BAHCC1: variants seen among roughly 807,000 people sequenced by gnomAD.
The protein encoded by BAHCC1 is BAH and coiled-coil domain-containing protein 1.
BAHCC1 carries 43 observed loss-of-function variants against 88.2 expected under a neutral mutation model. The observed-to-expected ratio is 0.49, with a 90% CI of 0.38 to 0.63. BAHCC1 has a LOEUF of 0.63. BAHCC1 is among the 20% of genes least tolerant of loss of function. The probability of loss-of-function intolerance (pLI) is 0.00; values close to 1 mark genes in which losing one functional copy is unlikely to be tolerated. For synonymous variants in BAHCC1, 1,510 were observed against 745.5 expected (o/e 2.03, Z -16.71); for missense variants, 3,023 against 1,654.8 (o/e 1.83, Z -14.34).
chr17:81,459,347 C>T lies in BAHCC1; in HGVS notation c.5796+19C>T, dbSNP rs369467787. 1.2e-4 allele frequency: 92 copies of T among 774,784 alleles called. No individual in the cohort carries two copies. The highest frequency in any genetic ancestry group is 5.4e-4 in the African/African-American group (32 of 59,190). The allele number at this position is 774,784 out of a possible 1,614,324, so 48.0% of individuals were successfully genotyped here. A position where few individuals can be genotyped will look rare whatever the true frequency, so the allele number is the denominator to read the frequency against. ...GGAAGCGGTGAGGACCGGGCCGGCC[C>T]GCCCCGGGGAGGGGCCTGGCTGGCT... On this transcript the variant is annotated intron_variant, in intron 22 of 27. Coordinates refer to ENST00000675386, the MANE Select transcript of BAHCC1 (RefSeq NM_001377448.1).
At chr17:81,416,006 GCGTGTGTGTGTGTC>G (rs2064016354) in intron 2 of BAHCC1, among the ~76,000 whole-genome samples, 1 of 151,726 alleles carries the variant, frequency 6.6e-6, no homozygotes, top group African/African-American at 2.4e-5. Flanking sequence ...GGGTGTATGC[GCGTGTGTGTGTGTC>G]CATGAGGATG....
rs2064321314 is a variant in BAHCC1, at chr17:81,435,379, G to A, written c.359-2991G>A. ...CCTGCCCACCGCAGTAGCAGGGGCA[G>A]GATGTGGGGACCTCGGTGCGACCCC... On this transcript the variant is annotated intron_variant, in intron 3 of 27. Coordinates refer to ENST00000675386, the MANE Select transcript of BAHCC1 (RefSeq NM_001377448.1). The surrounding 1 kb of genome is among the most constrained non-coding windows in gnomAD (Gnocchi z 4.4). 2.2e-6 allele frequency: 1 copy of A among 463,284 alleles called. No homozygotes were observed. Among genetic ancestry groups the A allele is most frequent in the Non-Finnish European group, 4.4e-6 (1 of 226,188 alleles). 28.7% of individuals were successfully genotyped at this position (463,284 alleles called of 1,614,324 possible).
intron 2 of BAHCC1, among the ~76,000 whole-genome samples, chr17:81,419,659 C>T (rs1438262942): frequency 6.6e-6 from 1 of 152,074 alleles, no homozygotes; most frequent in Non-Finnish European, 1.5e-5. Flanking sequence ...GCGGCGGGTG[C>T]AGCCGCCAGA....
chr17:81,422,283 T>A (rs2064125167), intron 2 of BAHCC1, among the ~76,000 whole-genome samples: 1 of 152,234 alleles, frequency 6.6e-6, no homozygotes, highest in South Asian at 2.1e-4. Flanking sequence ...AGTGCTGGGA[T>A]TACAGGCGTG....
intron 1 of BAHCC1, among the ~76,000 whole-genome samples, chr17:81,398,769 T>C (rs1347794360): frequency 7.6e-6 from 1 of 132,078 alleles, no homozygotes; most frequent in Non-Finnish European, 1.6e-5. Context: ...CCGGTGGCGG[T>C]TGCGGGCCTC....
intron 2 of BAHCC1, among the ~76,000 whole-genome samples, chr17:81,410,921 A>T (rs2063941887): frequency 6.6e-6 from 1 of 152,086 alleles, no homozygotes; most frequent in Non-Finnish European, 1.5e-5. Context: ...ATGGCCGCTC[A>T]TCAAACACTC....
intron 1 of BAHCC1, among the ~76,000 whole-genome samples, chr17:81,398,806 T>G (rs1598443358): frequency 1.3e-5 from 2 of 149,944 alleles, no homozygotes; most frequent in South Asian, 2.1e-4. Flanking sequence ...CGGCCTGGGG[T>G]CCTAGCGCGA....
At chr17:81,412,913 G>A (rs1014191118) in intron 2 of BAHCC1, among the ~76,000 whole-genome samples, 2 of 152,236 alleles carry the variant, frequency 1.3e-5, no homozygotes, top group African/African-American at 4.8e-5. Context: ...CGTGGGTGTG[G>A]GAGTGTTGCC....
chr17:81,427,384 G>A (rs1287352512), intron 3 of BAHCC1, among the ~76,000 whole-genome samples: 4 of 152,156 alleles, frequency 2.6e-5, no homozygotes, highest in Non-Finnish European at 5.9e-5. Context: ...GGAGGGGGCC[G>A]GGGCGGGGAG....
rs781869680 is a variant in BAHCC1, at chr17:81,451,737, T to C, written c.4046T>C (p.Val1349Ala). The stretch of plus-strand genomic sequence containing the variant: ...ACGCTGGCCACAGCCTGGTCCCTGG[T>C]GGAGGCCGCTGGCCTGGACAGCTCC... The part of the protein sequence containing the change: ...LATLATAWSL[V>A]EAAGLDSSTA... The change falls in exon 12 of 28, where the codon GTG (valine) becomes GCG (alanine). Residue 1349 changes from valine (V) to alanine (A), a missense_variant. Coordinates refer to ENST00000675386, the MANE Select transcript of BAHCC1 (RefSeq NM_001377448.1). The C allele has an allele frequency of 6.4e-6, 5 of 775,352 alleles. No homozygotes were observed. Among genetic ancestry groups the C allele is most frequent in the Non-Finnish European group, 1.2e-5 (5 of 417,520 alleles). 48.0% of individuals were successfully genotyped at this position (775,352 alleles called of 1,614,324 possible).
intron 2 of BAHCC1, among the ~76,000 whole-genome samples, chr17:81,423,005 C>T (rs2064133058): frequency 6.6e-6 from 1 of 152,208 alleles, no homozygotes; most frequent in African/African-American, 2.4e-5. Context: ...GGCTGCCGGG[C>T]CTGTGGTCTG....
rs34999192 is a variant in BAHCC1, at chr17:81,438,486, CA to C, written c.480del (p.Asp161IlefsTer139). The C allele has an allele frequency of 2.6e-6, 2 of 769,850 alleles. No homozygotes were observed. The highest frequency in any genetic ancestry group is 1.7e-5 in the Admixed American group (1 of 57,270). The allele number at this position is 769,850 out of a possible 1,614,324, so 47.7% of individuals were successfully genotyped here. On this transcript the variant is annotated frameshift_variant, in exon 4 of 28. Coordinates refer to ENST00000675386, the MANE Select transcript of BAHCC1 (RefSeq NM_001377448.1). LOFTEE classifies it high-confidence loss of function. Reference protein sequence around the residue: ...LYGQHRFYGTQKDNFYLRNLP... With the variant: ...LYGQHRFYGTXKDNFYLRNLP... ...TGGGCAGCACCGTTTCTATGGAACC[CA>C]AAAAGGCAAGTGCAGCATGGGACCG...
intron 11 of BAHCC1, among the ~76,000 whole-genome samples, chr17:81,450,258 G>A (rs1235023430): frequency 6.6e-6 from 1 of 152,016 alleles, no homozygotes; most frequent in Admixed American, 6.5e-5. Context: ...TCTGGCTCCT[G>A]TCTCCTGCTG....
chr17:81,421,214 A>G (rs1555649546), intron 2 of BAHCC1, among the ~76,000 whole-genome samples: 1 of 152,230 alleles, frequency 6.6e-6, no homozygotes, highest in South Asian at 2.1e-4. Context: ...CCAAGAGGAA[A>G]GAGCCCTCAG....
In BAHCC1 at chr17:81,444,526, C is replaced by A; in HGVS notation, c.2470C>A (p.Arg824Ser). Residue 824 changes from arginine to serine, a missense_variant, in exon 7 of 28, where the codon CGC becomes AGC. Coordinates refer to ENST00000675386, the MANE Select transcript of BAHCC1 (RefSeq NM_001377448.1). Reference protein sequence around the residue: ...HTHPHPPWLPRTRSPSLWMGG... With the variant: ...HTHPHPPWLPSTRSPSLWMGG... ...CCACCCCCATCCCCCCTGGCTGCCC[C>A]GCACCCGCAGCCCCTCCCTGTGGAT... 1.4e-6 allele frequency: 1 copy of A among 697,426 alleles called. No individual in the cohort carries two copies. Among genetic ancestry groups the A allele is most frequent in the East Asian group, 2.6e-5 (1 of 38,128 alleles). 43.2% of individuals were successfully genotyped at this position (697,426 alleles called of 1,614,324 possible).
Position 81,399,222 on chromosome 17 carries a change from C to A in BAHCC1, c.-206-312C>A. 2.4e-6 allele frequency: 1 copy of A among 423,812 alleles called. No individual in the cohort carries two copies. Among genetic ancestry groups the A allele is most frequent in the Non-Finnish European group, 4.7e-6 (1 of 211,514 alleles). The allele number at this position is 423,812 out of a possible 1,614,324, so 26.3% of individuals were successfully genotyped here. A position where few individuals can be genotyped will look rare whatever the true frequency, so the allele number is the denominator to read the frequency against. On this transcript the variant is annotated intron_variant, in intron 1 of 27. Transcript: ENST00000675386. This position sits in a 1 kb window ranked among gnomAD's most constrained non-coding sequence, Gnocchi z 4.5. ...AGCAGAGCCAGCAGCCTCTTCGCCG[C>A]GGCGCCCTAGCTGCAGGGACCCGCG... is the stretch of plus-strand genomic sequence containing the variant.
At position 81,462,797 on chromosome 17, in the gene BAHCC1, G is replaced by A. The variant is rs782458721; in HGVS notation, c.7441G>A (p.Glu2481Lys). The change falls in exon 27 of 28, where the codon GAG (glutamate) becomes AAG (lysine). Residue 2481 changes from glutamate (E) to lysine (K), a missense_variant. Glu to Lys is a moderately conservative substitution (Grantham distance 56, BLOSUM62 1). Transcript: ENST00000675386. Reference sequence around the variant, plus strand: ...GTTCTACAAGGCCATCGTGCGGGGCGAGGAGACCCTGCGTGTCGGGGACTG... The same window carrying A: ...GTTCTACAAGGCCATCGTGCGGGGCAAGGAGACCCTGCGTGTCGGGGACTG... ...KLFYKAIVRGEETLRVGDCAV... is the reference protein window; with the variant it reads ...KLFYKAIVRGKETLRVGDCAV... 2 of 780,076 alleles carry A rather than the reference G, an allele frequency of 2.6e-6. No homozygotes were observed. Among genetic ancestry groups the A allele is most frequent in the South Asian group, 1.3e-5 (1 of 74,606 alleles). The allele number at this position is 780,076 out of a possible 1,614,324, so 48.3% of individuals were successfully genotyped here. A position where few individuals can be genotyped will look rare whatever the true frequency, so the allele number is the denominator to read the frequency against.
intron 2 of BAHCC1, chr17:81,422,811 G>C (rs1555649749): frequency 2.3e-6 from 1 of 436,858 alleles, no homozygotes. Context: ...GGAGGAAAAG[G>C]CGGGAGGGAC....
chr17:81,397,704 G>A (rs1317609935), intron 1 of BAHCC1, among the ~76,000 whole-genome samples: 1 of 152,178 alleles, frequency 6.6e-6, no homozygotes, highest in East Asian at 1.9e-4. Flanking sequence ...GGGCCCTGGC[G>A]GCCGGGCGCT....
Sources: allele counts gnomAD v4.1 joint callset (sites outside exome capture counted in the v4.1 genomes callset), GRCh38; gene constraint gnomAD v4.1.1; non-coding constraint Gnocchi (gnomAD v3.1); transcripts MANE v1.5; gene names NCBI Gene and HGNC (gene_info 2026-07-23, HGNC 2026-07-21).